The following EDA variants were observed in gnomAD, a reference collection of about 807,000 sequenced individuals.
EDA encodes ectodysplasin-A.
A neutral mutation model predicts 23.6 loss-of-function variants in EDA; 2 were observed. The observed-to-expected ratio is 0.08, with a 90% confidence interval of 0.03 to 0.27. The LOEUF (loss-of-function observed/expected upper bound fraction) is 0.27, where lower values mean the gene tolerates loss of function less well. Among genes scored for constraint, EDA ranks in the 10% least tolerant of loss-of-function variants. The pLI, the probability that EDA is intolerant of heterozygous loss-of-function variation, is 1.00. For missense variants in EDA, 229 were observed against 324.2 expected, an observed-to-expected ratio of 0.71 and a Z score of 2.26; for synonymous variants, 131 against 132.0, an observed-to-expected ratio of 0.99 and a Z score of 0.05.
At chrX:69,886,441 A>C (rs1265343317) in intron 1 of EDA, among the ~76,000 whole-genome samples, 1 of 111,365 alleles carries the variant, frequency 9.0e-6, no homozygotes, top group Admixed American at 9.5e-5. Flanking sequence ...GACCCCAGAA[A>C]AAGGCTGAAG....
At chrX:69,915,070 T>C (rs1326357148) in intron 1 of EDA, among the ~76,000 whole-genome samples, 2 of 112,231 alleles carry the variant, frequency 1.8e-5, no homozygotes, top group Non-Finnish European at 3.8e-5. Flanking sequence ...GCTTAGAAAC[T>C]GTAATCTTAC....
intron 1 of EDA, among the ~76,000 whole-genome samples, chrX:69,820,333 G>T (rs1161235737): frequency 3.6e-5 from 4 of 111,644 alleles, no homozygotes; most frequent in African/African-American, 6.5e-5. Context: ...CATTGGCACG[G>T]GTAAAGATTT....
intron 1 of EDA, among the ~76,000 whole-genome samples, chrX:69,949,479 A>G (rs1168979215): frequency 9.0e-6 from 1 of 111,610 alleles, no homozygotes; most frequent in Non-Finnish European, 1.9e-5. Flanking sequence ...GGGAAGGGTA[A>G]GGCCTAGGAT....
At chrX:69,737,836 G>T (rs2013320541) in intron 1 of EDA, among the ~76,000 whole-genome samples, 1 of 75,206 alleles carries the variant, frequency 1.3e-5, no homozygotes, top group Non-Finnish European at 2.5e-5. Context: ...TTCACTGGGT[G>T]AAGGATTCTA....
intron 1 of EDA, among the ~76,000 whole-genome samples, chrX:69,852,308 T>C (rs1293846656): frequency 1.8e-5 from 2 of 111,597 alleles, no homozygotes; most frequent in African/African-American, 6.5e-5. Context: ...ATTGTATTTT[T>C]AGTAGAGACG....
At chrX:69,806,423 C>G (rs1447404767) in intron 1 of EDA, among the ~76,000 whole-genome samples, 2 of 110,835 alleles carry the variant, frequency 1.8e-5, no homozygotes, top group African/African-American at 6.6e-5. Flanking sequence ...ATCTGAGACT[C>G]TTTTGTATTT....
At chrX:69,832,883 T>C (rs2016654930) in intron 1 of EDA, among the ~76,000 whole-genome samples, 1 of 111,955 alleles carries the variant, frequency 8.9e-6, no homozygotes, top group Non-Finnish European at 1.9e-5. Flanking sequence ...TTTTGCACAT[T>C]GATTTTGTAT....
intron 1 of EDA, among the ~76,000 whole-genome samples, chrX:69,885,942 C>A (rs747814692): frequency 8.9e-6 from 1 of 112,059 alleles, no homozygotes; most frequent in African/African-American, 3.2e-5. Context: ...TGTAACTTAT[C>A]TCCAGCCTTT....
intron 2 of EDA, among the ~76,000 whole-genome samples, chrX:69,966,469 C>T (rs2019174571): frequency 9.2e-6 from 1 of 108,693 alleles, no homozygotes; most frequent in African/African-American, 3.4e-5. Context: ...ACCCCAGCTA[C>T]TAGGGAGGCT....
intron 2 of EDA, among the ~76,000 whole-genome samples, chrX:70,022,666 T>C (rs1282402730): frequency 1.8e-5 from 2 of 111,775 alleles, no homozygotes; most frequent in Admixed American, 9.6e-5. Flanking sequence ...CATTAACTTA[T>C]AGTAAATTAC....
intron 1 of EDA, among the ~76,000 whole-genome samples, chrX:69,761,036 C>G (rs1480702746): frequency 9.1e-6 from 1 of 110,224 alleles, no homozygotes; most frequent in African/African-American, 3.3e-5. Context: ...AAATGAGTTG[C>G]GGGGGAACTA....
chrX:69,996,428 G>A (rs1421722024), intron 2 of EDA, among the ~76,000 whole-genome samples: 5 of 111,785 alleles, frequency 4.5e-5, no homozygotes, highest in Non-Finnish European at 9.4e-5. Context: ...CCATAAACAA[G>A]ATCCATAAAC....
intron 2 of EDA, among the ~76,000 whole-genome samples, chrX:69,978,318 T>TAAA (rs144187734): frequency 0.026 from 533 of 20,291 alleles, 88 homozygotes; most frequent in African/African-American, 0.045. Flanking sequence ...ACTCCATCTC[T>TAAA]AAAAAAAAAA....
chrX:69,703,495 C>G (rs1018572763), intron 1 of EDA, among the ~76,000 whole-genome samples: 4 of 112,195 alleles, frequency 3.6e-5, no homozygotes, highest in African/African-American at 1.3e-4. Flanking sequence ...ACAGACAACA[C>G]GAGGTAGTGT....
intron 1 of EDA, among the ~76,000 whole-genome samples, chrX:69,772,209 C>T (rs2014658718): frequency 8.9e-6 from 1 of 111,912 alleles, no homozygotes; most frequent in Non-Finnish European, 1.9e-5. Context: ...ATCCTCTCAC[C>T]TTGGCCTCCC....
chrX:69,782,084 T>G (rs2804363), intron 1 of EDA, among the ~76,000 whole-genome samples: 33,003 of 108,962 alleles, frequency 0.3, 4,741 homozygotes, highest in Middle Eastern at 0.55. Flanking sequence ...ATGCTCACTT[T>G]GTTCCCAGAA....
At chrX:69,789,627 T>C (rs1375962835) in intron 1 of EDA, among the ~76,000 whole-genome samples, 1 of 112,192 alleles carries the variant, frequency 8.9e-6, no homozygotes, top group Non-Finnish European at 1.9e-5. Context: ...TGATGTACCC[T>C]CTCACAAGTA....
At chrX:69,844,701 T>G (rs2016970435) in intron 1 of EDA, among the ~76,000 whole-genome samples, 1 of 112,507 alleles carries the variant, frequency 8.9e-6, no homozygotes, top group Non-Finnish European at 1.9e-5. Flanking sequence ...AGACATTTGT[T>G]TAGAACACTC....
At chrX:70,013,105 C>T (rs2019898666) in intron 2 of EDA, among the ~76,000 whole-genome samples, 1 of 112,458 alleles carries the variant, frequency 8.9e-6, no homozygotes, top group Admixed American at 9.3e-5. Context: ...CCACCTGGGC[C>T]CCCAGCACAA....
Sources: gnomAD v4.1 joint callset for allele counts (sites outside exome capture counted in the v4.1 genomes callset) on GRCh38, gnomAD v4.1.1 for gene constraint, MANE v1.5 for transcripts, NCBI Gene and HGNC (gene_info 2026-07-23, HGNC 2026-07-21) for gene names.